CLCN5: variants seen among roughly 807,000 people sequenced by gnomAD.
CLCN5 encodes the protein H(+)/Cl(-) exchange transporter 5.
A neutral mutation model predicts 54.0 loss-of-function variants in CLCN5; 17 were observed. The ratio of observed to expected loss-of-function variants is 0.31; its 90% CI spans 0.22 to 0.47. The LOEUF (loss-of-function observed/expected upper bound fraction) is 0.47, where lower values mean the gene tolerates loss of function less well. Among genes scored for constraint, CLCN5 ranks in the 20% least tolerant of loss-of-function variants. CLCN5 has a pLI of 1.00. For missense variants in CLCN5, 448 were observed against 646.7 expected, an observed-to-expected ratio of 0.69 and a Z score of 3.33; for synonymous variants, 222 against 233.0, an observed-to-expected ratio of 0.95 and a Z score of 0.43.
At chrX:50,085,947 A>G (rs1557193799) in intron 9 of CLCN5, 33 bp from the exon 10 acceptor site, 4 of 1,087,688 alleles carry the variant, frequency 3.7e-6, no homozygotes, top group South Asian at 1.8e-5. Context: ...AAGCAGCATT[A>G]TTCTGTCACT....
At chrX:50,007,413 C>G (rs1038176328) in intron 3 of CLCN5, among the ~76,000 whole-genome samples, 1 of 97,908 alleles carries the variant, frequency 1.0e-5, no homozygotes, top group African/African-American at 4.5e-5. Context: ...CTCTCTCTCT[C>G]TCTCTCTCTC....
rs782574821 is a variant in CLCN5 at position 49,941,920 on chromosome X, C to CTTTTTT, written c.16+16624_16+16629dup. Among the ~76,000 whole-genome samples the CTTTTTT allele has an allele frequency of 3.5e-4, 21 of 60,567 alleles. 1 individual carries two copies. The highest frequency in any genetic ancestry group is 6.2e-4 in the East Asian group (1 of 1,621). The allele number at this position is 60,567 out of a possible 115,157, so 52.6% of individuals were successfully genotyped here. On this transcript the variant is annotated intron_variant, in intron 3 of 14. Coordinates refer to ENST00000376091, the MANE Select transcript of CLCN5 (RefSeq NM_001127898.4). The stretch of plus-strand genomic sequence containing the variant: ...ATGATATATCTTTCTCAATCAGTAT[C>CTTTTTT]TTTTTTTTTTTTTTTTTTTTTTTGC...
intron 3 of CLCN5, among the ~76,000 whole-genome samples, chrX:49,996,047 A>G (rs1034324030): frequency 1.8e-5 from 2 of 112,076 alleles, no homozygotes; most frequent in Non-Finnish European, 3.8e-5. Flanking sequence ...GCCATTATCT[A>G]TCTCTGTGTT....
intron 3 of CLCN5, among the ~76,000 whole-genome samples, chrX:49,960,426 A>G (rs182783343): frequency 6.9e-4 from 75 of 109,268 alleles, no homozygotes; most frequent in Non-Finnish European, 3.8e-4. Flanking sequence ...TTATTTTCCA[A>G]ATTCCCACAG....
At chrX:49,947,154 A>C (rs1394612874) in intron 3 of CLCN5, among the ~76,000 whole-genome samples, 1 of 111,645 alleles carries the variant, frequency 9.0e-6, no homozygotes, top group African/African-American at 3.3e-5. Context: ...TCCATCAACA[A>C]ACACTCACTT....
chrX:49,943,954 C>T (rs1926539357), intron 3 of CLCN5, among the ~76,000 whole-genome samples: 1 of 111,647 alleles, frequency 9.0e-6, no homozygotes, highest in Non-Finnish European at 1.9e-5. Context: ...TCATTGGTAG[C>T]TGGATGGGGA....
chrX:50,085,719 G>T (rs1209223179), intron 9 of CLCN5: 5 of 387,276 alleles, frequency 1.3e-5, no homozygotes, highest in African/African-American at 1.3e-4. Context: ...GATAAGGGCG[G>T]GGGGGCGGTG....
intron 3 of CLCN5, chrX:50,014,824 T>C: frequency 4.3e-6 from 1 of 233,424 alleles, no homozygotes; most frequent in South Asian, 4.7e-5. Flanking sequence ...GGCTTGTCTG[T>C]GTATTAGAAT....
At chrX:50,033,177 G>T (rs1283083810) in intron 3 of CLCN5, among the ~76,000 whole-genome samples, 2 of 111,149 alleles carry the variant, frequency 1.8e-5, no homozygotes, top group Non-Finnish European at 3.8e-5. Context: ...GGGCAGTTAG[G>T]CAGGAGAAGG....
intron 3 of CLCN5, chrX:50,008,491 G>T: frequency 5.8e-6 from 2 of 344,718 alleles, no homozygotes; most frequent in Non-Finnish European, 1.2e-5. Context: ...AATGCACCTG[G>T]GCAAGGATTC....
chrX:49,956,333 T>C (rs782505875), intron 3 of CLCN5, among the ~76,000 whole-genome samples: 4 of 112,170 alleles, frequency 3.6e-5, no homozygotes, highest in African/African-American at 9.7e-5. Context: ...CTCTGACACT[T>C]GACTAGCTGT....
intron 3 of CLCN5, chrX:50,014,660 G>T: frequency 2.9e-6 from 1 of 347,283 alleles, no homozygotes; most frequent in African/African-American, 2.6e-5. Context: ...ATGCACCTGG[G>T]CAAGGATTCA....
chrX:49,931,778 T>G (rs1036720512), intron 3 of CLCN5, among the ~76,000 whole-genome samples: 2 of 106,746 alleles, frequency 1.9e-5, no homozygotes. Context: ...TAGCCAGGCA[T>G]GGTGGTGCAC....
chrX:49,989,140 G>A (rs983458696), intron 3 of CLCN5, among the ~76,000 whole-genome samples: 6 of 106,168 alleles, frequency 5.7e-5, no homozygotes, highest in Non-Finnish European at 9.7e-5. Context: ...TGGCATGATC[G>A]TGGCTCACTG....
intron 3 of CLCN5, among the ~76,000 whole-genome samples, chrX:49,979,821 A>G (rs1328330199): frequency 2.7e-5 from 3 of 110,914 alleles, no homozygotes; most frequent in African/African-American, 9.8e-5. Context: ...ATCACTTCAC[A>G]TATGCTTTTT....
At chrX:50,063,041 G>A (rs1484267621) in intron 4 of CLCN5, among the ~76,000 whole-genome samples, 18 of 110,033 alleles carry the variant, frequency 1.6e-4, no homozygotes, top group African/African-American at 4.4e-4. Flanking sequence ...CACTAAATGC[G>A]CACAAGAGAA....
At chrX:49,945,764 T>G (rs1379924440) in intron 3 of CLCN5, among the ~76,000 whole-genome samples, 1 of 97,815 alleles carries the variant, frequency 1.0e-5, no homozygotes, top group Non-Finnish European at 2.1e-5. Flanking sequence ...GCCCTTTCAA[T>G]TTTTTTTTTG....
intron 3 of CLCN5, among the ~76,000 whole-genome samples, chrX:49,990,308 A>G: frequency 9.5e-6 from 1 of 104,824 alleles, no homozygotes; most frequent in Non-Finnish European, 1.9e-5. Context: ...GGGCTTGATA[A>G]GTTCTTTAAT....
At chrX:49,942,550 C>T (rs1296068280) in intron 3 of CLCN5, among the ~76,000 whole-genome samples, 1 of 99,740 alleles carries the variant, frequency 1.0e-5, no homozygotes, top group African/African-American at 3.7e-5. Flanking sequence ...GTATCCCTCC[C>T]CCCTCCCCCC....
Sources: allele counts gnomAD v4.1 joint callset (sites outside exome capture counted in the v4.1 genomes callset), GRCh38; gene constraint gnomAD v4.1.1; transcripts MANE v1.5; gene names NCBI Gene and HGNC (gene_info 2026-07-23, HGNC 2026-07-21).